The following MAGI2 variants were observed in gnomAD, a reference collection of about 807,000 sequenced individuals.
MAGI2 encodes membrane associated guanylate kinase, WW and PDZ domain containing 2, also known as membrane-associated guanylate kinase, WW and PDZ domain-containing protein 2.
In MAGI2, 35 loss-of-function variants were observed where a neutral mutation model predicts 133.3. The observed-to-expected ratio is 0.26, with a 90% CI of 0.20 to 0.35. The LOEUF (loss-of-function observed/expected upper bound fraction) is 0.35, where lower values mean the gene tolerates loss of function less well. Among genes scored for constraint, MAGI2 ranks in the 10% least tolerant of loss-of-function variants. The pLI is 1.00. For missense variants in MAGI2, 1,636 were observed against 1,863.4 expected, an observed-to-expected ratio of 0.88 and a Z score of 2.25; for synonymous variants, 729 against 710.6, an observed-to-expected ratio of 1.03 and a Z score of -0.41.
intron 16 of MAGI2, among the ~76,000 whole-genome samples, chr7:78,153,308 C>G (rs1359575674): frequency 6.6e-6 from 1 of 152,158 alleles, no homozygotes; most frequent in African/African-American, 2.4e-5. Context: ...AAACATGATG[C>G]CACTGAAAGG....
intron 21 of MAGI2, among the ~76,000 whole-genome samples, chr7:78,033,545 T>C (rs1194626771): frequency 6.7e-6 from 1 of 150,312 alleles, no homozygotes; most frequent in Non-Finnish European, 1.5e-5. Flanking sequence ...ACTGGAGAAG[T>C]AAAGAAGAAC....
At chr7:79,255,170 C>G (rs184776005) in intron 1 of MAGI2, among the ~76,000 whole-genome samples, 38 of 152,210 alleles carry the variant, frequency 2.5e-4, no homozygotes, top group African/African-American at 8.4e-4. Context: ...CACCCATATC[C>G]CATGAAAAAG....
In MAGI2 at chr7:78,933,988, C is replaced by T. The variant is rs144701372; in HGVS notation, c.418+73102G>A. On this transcript the variant is annotated intron_variant, in intron 2 of 21. Coordinates refer to ENST00000354212, the MANE Select transcript of MAGI2 (RefSeq NM_012301.4). ...GTACAATAACCTTTTAATAAAAACA[C>T]AGCATCATAGGTGGAAACTTCAAGC... Among the ~76,000 whole-genome samples the T allele has an allele frequency of 1.2e-3, 184 of 152,228 alleles. 1 individual carries two copies. The East Asian group carries it at 0.031, about 25-fold the overall frequency.
At chr7:78,929,992 G>A (rs1401862693) in intron 2 of MAGI2, among the ~76,000 whole-genome samples, 1 of 151,974 alleles carries the variant, frequency 6.6e-6, no homozygotes, top group Admixed American at 6.6e-5. Flanking sequence ...CTTTTAATTT[G>A]GGGCTGGGAT....
chr7:78,348,967 C>G (rs1425984185), intron 7 of MAGI2, among the ~76,000 whole-genome samples: 2 of 152,080 alleles, frequency 1.3e-5, no homozygotes, highest in Non-Finnish European at 2.9e-5. Flanking sequence ...TAAGATGCAC[C>G]GAAGCCAGTT....
chr7:78,983,109 A>G (rs1274214432), intron 2 of MAGI2, among the ~76,000 whole-genome samples: 1 of 152,014 alleles, frequency 6.6e-6, no homozygotes, highest in East Asian at 1.9e-4. Context: ...TATATTAAGT[A>G]AAATATGTTT....
intron 1 of MAGI2, 22 bp downstream of exon 1, chr7:79,452,998 C>G (rs757765411): frequency 1.3e-6 from 2 of 1,532,578 alleles, no homozygotes; most frequent in East Asian, 4.6e-5. Flanking sequence ...CGGCAAAACA[C>G]TGAGCAAGCC....
chr7:78,512,574 T>A (rs575376791), intron 4 of MAGI2, among the ~76,000 whole-genome samples: 49 of 152,212 alleles, frequency 3.2e-4, no homozygotes, highest in Admixed American at 1.7e-3. Context: ...ATGGGCTGAT[T>A]TTTTTATTTT....
In MAGI2 at chr7:79,151,253, G is replaced by T. The variant is rs149306183; in HGVS notation, c.302-144047C>A. On this transcript the variant is annotated intron_variant, in intron 1 of 21. Coordinates refer to ENST00000354212, the MANE Select transcript of MAGI2 (RefSeq NM_012301.4). The stretch of plus-strand genomic sequence containing the variant: ...CATGTAACTTCTATCTTGTTACCTT[G>T]AAACCTACTAAATTGTTTTTGTAGC... Among the ~76,000 whole-genome samples the T allele has an allele frequency of 4.7e-3, 708 of 152,036 alleles. 5 individuals are homozygous for T. The highest frequency in any genetic ancestry group is 0.016 in the African/African-American group (660 of 41,482).
chr7:79,257,002 A>G (rs879396210), intron 1 of MAGI2, among the ~76,000 whole-genome samples: 2 of 152,156 alleles, frequency 1.3e-5, no homozygotes, highest in Non-Finnish European at 2.9e-5. Flanking sequence ...GTTATTGACA[A>G]TGTATTGCTG....
intron 1 of MAGI2, among the ~76,000 whole-genome samples, chr7:79,178,764 C>A (rs1029629812): frequency 6.6e-6 from 1 of 151,546 alleles, no homozygotes; most frequent in Non-Finnish European, 1.5e-5. Flanking sequence ...ATGTAAAGGG[C>A]ATCAAATTAA....
chr7:78,926,085 G>GT (rs1160293787), intron 2 of MAGI2, among the ~76,000 whole-genome samples: 1 of 151,704 alleles, frequency 6.6e-6, no homozygotes, highest in African/African-American at 2.4e-5. Context: ...TTTTGTAACT[G>GT]TTCTGTTCAC....
chr7:78,165,496 G>GTCT (rs1825533623), intron 15 of MAGI2, among the ~76,000 whole-genome samples: 1 of 152,150 alleles, frequency 6.6e-6, no homozygotes, highest in Non-Finnish European at 1.5e-5. Flanking sequence ...AGTGCCCTCT[G>GTCT]TCTTCTGAGG....
At chr7:78,965,329 A>G (rs1803215831) in intron 2 of MAGI2, among the ~76,000 whole-genome samples, 1 of 151,746 alleles carries the variant, frequency 6.6e-6, no homozygotes, top group South Asian at 2.1e-4. Flanking sequence ...TTATGTCAAA[A>G]GGTAGAATTT....
chr7:78,097,305 A>G (rs891871270), intron 20 of MAGI2, among the ~76,000 whole-genome samples: 34 of 152,184 alleles, frequency 2.2e-4, no homozygotes, highest in Non-Finnish European at 4.0e-4. Flanking sequence ...CAGCAATCCC[A>G]TTACTGGGTA....
At chr7:78,039,542 CCTT>C (rs1300865460) in intron 21 of MAGI2, 1 of 152,198 alleles carries the variant, frequency 6.6e-6, no homozygotes, top group African/African-American at 2.4e-5. Flanking sequence ...GAAAATTAGA[CCTT>C]CTTTCCAAGA....
intron 20 of MAGI2, among the ~76,000 whole-genome samples, chr7:78,098,951 T>C (rs1157639556): frequency 1.3e-5 from 2 of 152,202 alleles, no homozygotes; most frequent in Non-Finnish European, 2.9e-5. Flanking sequence ...GTCTTTCTTG[T>C]TTTTAATTCA....
chr7:78,562,538 T>C (rs1800514920), intron 3 of MAGI2, among the ~76,000 whole-genome samples: 1 of 152,228 alleles, frequency 6.6e-6, no homozygotes, highest in Non-Finnish European at 1.5e-5. Flanking sequence ...CTGCTATTTA[T>C]AAACAGTTGA....
chr7:79,058,960 T>C (rs961773405), intron 1 of MAGI2, among the ~76,000 whole-genome samples: 1 of 152,070 alleles, frequency 6.6e-6, no homozygotes, highest in African/African-American at 2.4e-5. Flanking sequence ...TTCAAATAAG[T>C]TGTATAAAGC....
Sources: gnomAD v4.1 joint callset for allele counts (sites outside exome capture counted in the v4.1 genomes callset) on GRCh38, gnomAD v4.1.1 for gene constraint, MANE v1.5 for transcripts, NCBI Gene and HGNC (gene_info 2026-07-23, HGNC 2026-07-21) for gene names.